PCDH11X: variants seen among roughly 807,000 people sequenced by gnomAD.
PCDH11X encodes protocadherin-11 X-linked.
In PCDH11X, 18 loss-of-function variants were observed where a neutral mutation model predicts 53.3. The observed-to-expected ratio is 0.34, with a 90% CI of 0.23 to 0.50. The LOEUF is 0.50. Ranked by LOEUF, PCDH11X falls within the 20% of genes least tolerant of loss-of-function variation. The pLI is 0.98. For synonymous variants in PCDH11X, 279 were observed against 393.3 expected (o/e 0.71, Z 3.44); for missense variants, 570 against 1,032.4 (o/e 0.55, Z 6.14).
At chrX:92,477,845 A>T (rs1470395198) in intron 10 of PCDH11X, among the ~76,000 whole-genome samples, 1 of 103,692 alleles carries the variant, frequency 9.6e-6, no homozygotes. Flanking sequence ...GTCATTTCTA[A>T]TTGTGTTTAT....
intron 6 of PCDH11X, among the ~76,000 whole-genome samples, chrX:92,032,851 A>ATT (rs755247253): frequency 0.012 from 1,221 of 97,929 alleles, 22 homozygotes; most frequent in African/African-American, 0.043. Flanking sequence ...ATGATAAATG[A>ATT]TTTTTTTTTT....
At chrX:91,833,784 G>A (rs35850308) in intron 4 of PCDH11X, among the ~76,000 whole-genome samples, 74 of 111,540 alleles carry the variant, frequency 6.6e-4, no homozygotes, top group African/African-American at 1.9e-3. Flanking sequence ...TAAAAAATGC[G>A]GATGTGCAGC....
chrX:92,159,937 G>C (rs2065610053), intron 6 of PCDH11X, among the ~76,000 whole-genome samples: 1 of 105,482 alleles, frequency 9.5e-6, no homozygotes, highest in Non-Finnish European at 1.9e-5. Context: ...AAAAAGATTT[G>C]GGGATTTACC....
chrX:92,230,593 A>T (rs1488454563), intron 7 of PCDH11X, among the ~76,000 whole-genome samples: 11 of 96,074 alleles, frequency 1.1e-4, no homozygotes, highest in Non-Finnish European at 2.2e-4. Context: ...ATATATATAA[A>T]ATATATATAT....
chrX:92,341,319 C>T (rs934306232), intron 8 of PCDH11X, among the ~76,000 whole-genome samples: 8 of 111,752 alleles, frequency 7.2e-5, no homozygotes, highest in African/African-American at 1.6e-4. Flanking sequence ...TTCAAACCTT[C>T]GCCTGCTATT....
At chrX:92,523,447 G>A (rs1212411984) in intron 10 of PCDH11X, among the ~76,000 whole-genome samples, 2 of 112,168 alleles carry the variant, frequency 1.8e-5, no homozygotes, top group East Asian at 2.8e-4. Flanking sequence ...AAAAGCAAGA[G>A]TAACGTTAGA....
intron 8 of PCDH11X, among the ~76,000 whole-genome samples, chrX:92,343,538 A>C (rs1272444414): frequency 9.1e-6 from 1 of 110,264 alleles, no homozygotes; most frequent in Non-Finnish European, 1.9e-5. Context: ...AAAATGTTTT[A>C]TATAAAGCTA....
intron 6 of PCDH11X, among the ~76,000 whole-genome samples, chrX:91,882,395 A>G (rs1483372552): frequency 9.1e-6 from 1 of 110,334 alleles, no homozygotes; most frequent in Non-Finnish European, 1.9e-5. Flanking sequence ...TCAATGTCAT[A>G]TAAAAGAGAT....
At position 92,623,199 on chromosome X, in the gene PCDH11X, A is replaced by C. The variant is rs971527974; in HGVS notation, c.*4259A>C. ...GTTCTGTATTGCATGTTTTCTTATT[A>C]ATATATATTAATAAAAGTTATGAGA... is the stretch of plus-strand genomic sequence containing the variant. On this transcript the variant is annotated 3_prime_UTR_variant, in exon 11 of 11. Transcript: ENST00000682573. The C allele has an allele frequency of 9.0e-6, 1 of 110,530 alleles. No homozygotes were observed. The highest frequency in any genetic ancestry group is 3.3e-5 in the African/African-American group (1 of 30,475). 9.1% of individuals were successfully genotyped at this position (110,530 alleles called of 1,213,427 possible).
intron 6 of PCDH11X, among the ~76,000 whole-genome samples, chrX:92,121,133 A>AT (rs1210127836): frequency 1.5e-4 from 16 of 108,430 alleles, no homozygotes; most frequent in African/African-American, 5.4e-4. Context: ...AGCTTCTAAA[A>AT]TTTTTTTTGT....
At chrX:92,585,025 A>T (rs1348963114) in intron 10 of PCDH11X, among the ~76,000 whole-genome samples, 2 of 110,273 alleles carry the variant, frequency 1.8e-5, no homozygotes, top group African/African-American at 6.6e-5. Context: ...GCTGTACAGG[A>T]TGCAGGATGC....
intron 6 of PCDH11X, among the ~76,000 whole-genome samples, chrX:91,946,568 T>A (rs58163601): frequency 1.3e-5 from 1 of 79,969 alleles, no homozygotes; most frequent in Non-Finnish European, 2.4e-5. Context: ...CATATATATA[T>A]ATATATATAT....
chrX:92,278,940 T>A (rs1284591325), intron 8 of PCDH11X, among the ~76,000 whole-genome samples: 1 of 107,559 alleles, frequency 9.3e-6, no homozygotes, highest in African/African-American at 3.4e-5. Context: ...GCCTTCCGAG[T>A]AGCTGGGATT....
chrX:92,430,866 A>G (rs948512186), intron 9 of PCDH11X, among the ~76,000 whole-genome samples: 4 of 107,969 alleles, frequency 3.7e-5, no homozygotes, highest in Non-Finnish European at 7.7e-5. Flanking sequence ...ATGGTAGCAT[A>G]TGTTTTATAG....
chrX:91,818,709 A>C (rs1198710258), intron 4 of PCDH11X, among the ~76,000 whole-genome samples: 2 of 104,360 alleles, frequency 1.9e-5, no homozygotes, highest in Non-Finnish European at 3.8e-5. Flanking sequence ...AAAAAAAAAA[A>C]AAATGTATTG....
intron 1 of PCDH11X, among the ~76,000 whole-genome samples, chrX:91,799,624 G>T (rs1935862365): frequency 8.9e-6 from 1 of 112,122 alleles, no homozygotes; most frequent in African/African-American, 3.2e-5. Context: ...GATAAAACTT[G>T]AATAAAAATG....
At chrX:92,198,585 C>A (rs1014431307) in intron 6 of PCDH11X, among the ~76,000 whole-genome samples, 1 of 110,250 alleles carries the variant, frequency 9.1e-6, no homozygotes, top group South Asian at 3.8e-4. Context: ...CAAGAAGAAC[C>A]GGCCAGATTT....
At position 91,794,302 on chromosome X, in the gene PCDH11X, G is replaced by T. The variant is rs113969244; in HGVS notation, c.-379+14618G>T. ...TCAAATGAAGAATTGAGCTAGTCCA[G>T]ATTAGCTAAATGGCTTGCCTAAAGT... On this transcript the variant is annotated intron_variant, in intron 1 of 10. Coordinates refer to ENST00000682573, the MANE Select transcript of PCDH11X (RefSeq NM_032968.5). 2.9e-3 allele frequency among the ~76,000 whole-genome samples: 319 copies of T among 111,756 alleles called. 1 individual carries two copies. Among genetic ancestry groups the T allele is most frequent in the African/African-American group, 9.5e-3 (294 of 30,789 alleles).
At chrX:92,235,666 A>T (rs1046571197) in intron 7 of PCDH11X, among the ~76,000 whole-genome samples, 1 of 111,691 alleles carries the variant, frequency 9.0e-6, no homozygotes, top group East Asian at 2.8e-4. Flanking sequence ...ATATTTTATT[A>T]TTTCATAAGG....
Sources: allele counts gnomAD v4.1 joint callset (sites outside exome capture counted in the v4.1 genomes callset), GRCh38; gene constraint gnomAD v4.1.1; transcripts MANE v1.5; gene names NCBI Gene and HGNC (gene_info 2026-07-23, HGNC 2026-07-21).